Variants in VDAC1 observed in about 807,000 individuals in gnomAD.
The protein encoded by VDAC1 is non-selective voltage-gated ion channel VDAC1.
In VDAC1, 10 loss-of-function variants were observed where a neutral mutation model predicts 34.7. That is an observed-to-expected ratio of 0.29 (90% CI 0.18 to 0.49). The LOEUF (loss-of-function observed/expected upper bound fraction) is 0.49. VDAC1 is among the 20% of genes least tolerant of loss of function. The pLI, the probability that VDAC1 is intolerant of heterozygous loss-of-function variation, is 0.99. For missense variants in VDAC1, 230 were observed against 347.9 expected, an observed-to-expected ratio of 0.66 and a Z score of 2.69; for synonymous variants, 130 against 136.0, an observed-to-expected ratio of 0.96 and a Z score of 0.30.
the VDAC1 span, among the ~76,000 whole-genome samples, chr5:134,062,655 C>T: frequency 3.3e-5 from 5 of 151,634 alleles, no homozygotes; most frequent in Non-Finnish European, 7.4e-5. Context: ...GCGATGGAGT[C>T]TTGCTCTGTT....
the VDAC1 span, among the ~76,000 whole-genome samples, chr5:134,035,582 T>C: frequency 3.3e-5 from 5 of 152,148 alleles, no homozygotes; most frequent in Non-Finnish European, 5.9e-5. Context: ...TAAAGGATGA[T>C]AACCCACTGA....
the VDAC1 span, among the ~76,000 whole-genome samples, chr5:134,020,340 C>G: frequency 2.0e-5 from 3 of 151,960 alleles, no homozygotes; most frequent in Non-Finnish European, 4.4e-5. Flanking sequence ...ACGACTCCCC[C>G]GCTCACCCCT....
the VDAC1 span, among the ~76,000 whole-genome samples, chr5:134,050,542 G>A: frequency 1.3e-5 from 2 of 152,256 alleles, no homozygotes; most frequent in East Asian, 3.9e-4. Flanking sequence ...TAGGGAGGCC[G>A]ATGTCTTCCT....
chr5:134,024,775 GA>G, the VDAC1 span, among the ~76,000 whole-genome samples: 1 of 152,234 alleles, frequency 6.6e-6, no homozygotes, highest in Non-Finnish European at 1.5e-5. Flanking sequence ...CTGGACCTTA[GA>G]AGCCAGGTAG....
the VDAC1 span, among the ~76,000 whole-genome samples, chr5:134,017,238 G>A: frequency 6.6e-6 from 1 of 152,002 alleles, no homozygotes; most frequent in African/African-American, 2.4e-5. Flanking sequence ...AGGCTGAGGC[G>A]GGTGGATCAC....
chr5:134,074,694 G>A, the VDAC1 span, among the ~76,000 whole-genome samples: 1 of 152,064 alleles, frequency 6.6e-6, no homozygotes, highest in Non-Finnish European at 1.5e-5. Flanking sequence ...CTCAGTGGTG[G>A]GAGGACCACT....
intron 5 of VDAC1, among the ~76,000 whole-genome samples, chr5:133,984,439 T>C (rs1428068910): frequency 7.2e-6 from 1 of 139,724 alleles, no homozygotes; most frequent in Non-Finnish European, 1.5e-5. Context: ...TGTGTGTGTG[T>C]GTGTGTGTGT....
upstream of VDAC1, among the ~76,000 whole-genome samples, chr5:134,007,232 G>A (rs1307351438): frequency 7.3e-5 from 10 of 137,906 alleles, no homozygotes; most frequent in African/African-American, 2.5e-4. Flanking sequence ...CAACAAGAGC[G>A]AAACTCTGCC....
At chr5:134,055,776 C>A in the VDAC1 span, among the ~76,000 whole-genome samples, 1 of 151,088 alleles carries the variant, frequency 6.6e-6, no homozygotes, top group East Asian at 2.0e-4. Context: ...TAAATACATG[C>A]CTGTAAACTA....
At chr5:133,975,530 A>G (rs1017231334) in intron 7 of VDAC1, among the ~76,000 whole-genome samples, 3 of 150,668 alleles carry the variant, frequency 2.0e-5, no homozygotes, top group African/African-American at 4.9e-5. Context: ...ACACGATCTC[A>G]GCTCACTGCA....
At chr5:134,055,603 T>G in the VDAC1 span, among the ~76,000 whole-genome samples, 4 of 140,554 alleles carry the variant, frequency 2.8e-5, no homozygotes, top group East Asian at 8.6e-4. Flanking sequence ...TTTTTTTTTT[T>G]TTTTTTTTTT....
At chr5:134,085,525 G>T in the VDAC1 span, among the ~76,000 whole-genome samples, 1 of 151,362 alleles carries the variant, frequency 6.6e-6, no homozygotes, top group African/African-American at 2.4e-5. Context: ...TGCTCAAATC[G>T]TTCTTACCTT....
At chr5:134,046,816 C>A in the VDAC1 span, among the ~76,000 whole-genome samples, 1 of 152,246 alleles carries the variant, frequency 6.6e-6, no homozygotes, top group Non-Finnish European at 1.5e-5. Context: ...CTCCACTCTA[C>A]ACCTACCAGT....
chr5:134,099,936 C>G, the VDAC1 span, among the ~76,000 whole-genome samples: 1 of 152,208 alleles, frequency 6.6e-6, no homozygotes, highest in Non-Finnish European at 1.5e-5. Flanking sequence ...AGGGTTGAGA[C>G]AGAGTGGGAA....
At chr5:134,049,681 G>A in the VDAC1 span, among the ~76,000 whole-genome samples, 14 of 152,070 alleles carry the variant, frequency 9.2e-5, no homozygotes, top group East Asian at 1.9e-4. Context: ...TCAGGTTCAC[G>A]CAATTCTCCT....
the VDAC1 span, among the ~76,000 whole-genome samples, chr5:134,037,885 A>G: frequency 2.0e-5 from 3 of 152,228 alleles, no homozygotes; most frequent in Non-Finnish European, 2.9e-5. Flanking sequence ...AACTCCTTTT[A>G]TAGATCATTG....
At chr5:133,979,101 C>T (rs1752587467) in intron 6 of VDAC1, among the ~76,000 whole-genome samples, 1 of 152,104 alleles carries the variant, frequency 6.6e-6, no homozygotes, top group African/African-American at 2.4e-5. Context: ...CATTTGGGCC[C>T]CTGCAAGCAC....
At chr5:134,030,763 A>G in the VDAC1 span, among the ~76,000 whole-genome samples, 1 of 152,060 alleles carries the variant, frequency 6.6e-6, no homozygotes, top group East Asian at 1.9e-4. Context: ...CTCTGCCACC[A>G]CATCTGGCTA....
chr5:133,978,834 G>A (rs1009199523), intron 6 of VDAC1, among the ~76,000 whole-genome samples: 2 of 152,032 alleles, frequency 1.3e-5, no homozygotes, highest in South Asian at 2.1e-4. Flanking sequence ...GCAACATGGC[G>A]AAATCCTGCC....
Sources: gnomAD v4.1 joint callset for allele counts (sites outside exome capture counted in the v4.1 genomes callset) on GRCh38, gnomAD v4.1.1 for gene constraint, MANE v1.5 for transcripts, NCBI Gene and HGNC (gene_info 2026-07-23, HGNC 2026-07-21) for gene names.